The following ECPAS variants were observed in gnomAD, a reference collection of about 807,000 sequenced individuals.
ECPAS encodes the protein proteasome adapter and scaffold protein ECM29.
ECPAS carries 70 observed loss-of-function variants against 255.1 expected under a neutral mutation model. That is an observed-to-expected ratio of 0.27 (90% CI 0.23 to 0.33). ECPAS has a LOEUF of 0.33. Ranked by LOEUF, ECPAS falls within the 10% of genes least tolerant of loss-of-function variation. The pLI is 1.00. For synonymous variants in ECPAS, 784 were observed against 775.0 expected, an observed-to-expected ratio of 1.01 and a Z score of -0.19; for missense variants, 1,817 against 2,206.4, an observed-to-expected ratio of 0.82 and a Z score of 3.54.
At chr9:111,385,263 T>A in intron 33 of ECPAS, 74 bp downstream of exon 33, 1 of 780,298 alleles carries the variant, frequency 1.3e-6, no homozygotes, top group African/African-American at 1.8e-5. Context: ...AATTTTGACA[T>A]ACACAACATA....
At chr9:111,442,170 A>G in intron 5 of ECPAS, 136 bp downstream of exon 5, 3 of 554,860 alleles carry the variant, frequency 5.4e-6, no homozygotes, top group Non-Finnish European at 9.6e-6. Flanking sequence ...GGTACCACGG[A>G]AAATTCTATT....
At chr9:111,445,624 G>C (rs1787115636) in intron 3 of ECPAS, among the ~76,000 whole-genome samples, 1 of 152,108 alleles carries the variant, frequency 6.6e-6, no homozygotes, top group Admixed American at 6.6e-5. Flanking sequence ...GATTACAAAA[G>C]GATTCTGGCA....
intron 36 of ECPAS, among the ~76,000 whole-genome samples, chr9:111,378,095 G>A (rs575130447): frequency 6.6e-6 from 1 of 152,022 alleles, no homozygotes; most frequent in Non-Finnish European, 1.5e-5. Context: ...GCAGTGAGCC[G>A]AGATGGTGCC....
At chr9:111,450,514 AGGAAT>A (rs1477247090) in intron 3 of ECPAS, among the ~76,000 whole-genome samples, 1 of 152,224 alleles carries the variant, frequency 6.6e-6, no homozygotes, top group Non-Finnish European at 1.5e-5. Flanking sequence ...CTGTGGCCCA[AGGAAT>A]AAAACCTGAC....
chr9:111,473,867 T>C (rs1184645670), intron 1 of ECPAS, among the ~76,000 whole-genome samples: 1 of 152,122 alleles, frequency 6.6e-6, no homozygotes, highest in African/African-American at 2.4e-5. Context: ...CTCAGGAGGC[T>C]GAGGTCAGAA....
chr9:111,385,830 C>T (rs539064206), intron 32 of ECPAS, among the ~76,000 whole-genome samples: 1 of 152,324 alleles, frequency 6.6e-6, no homozygotes, highest in Admixed American at 6.5e-5. Flanking sequence ...AACAGGTAAT[C>T]TTCAACTTCT....
intron 34 of ECPAS, 34 bp from the exon 35 acceptor site, chr9:111,383,366 T>C: frequency 1.3e-6 from 2 of 1,582,604 alleles, no homozygotes; most frequent in South Asian, 2.3e-5. Context: ...TTAGTGAAAG[T>C]GACCGCGCAT....
At chr9:111,420,955 T>A (rs2098212629) in intron 15 of ECPAS, among the ~76,000 whole-genome samples, 1 of 152,342 alleles carries the variant, frequency 6.6e-6, no homozygotes, top group East Asian at 1.9e-4. Context: ...TTGGTAATAG[T>A]GTTACATGAT....
chr9:111,442,233 T>C (rs1175762626), intron 5 of ECPAS, 73 bp downstream of exon 5: 3 of 984,292 alleles, frequency 3.0e-6, no homozygotes, highest in African/African-American at 3.3e-5. Flanking sequence ...TAAAACCAAA[T>C]ATGTGAATTA....
Position 111,411,885 on chromosome 9 carries a change from C to G in ECPAS, c.2214+129G>C, listed in dbSNP as rs940025413. 11 of 807,812 alleles carry G rather than the reference C, an allele frequency of 1.4e-5. No homozygotes were observed. The African/African-American group carries it at 1.6e-4, about 12-fold the overall frequency. The allele number at this position is 807,812 out of a possible 1,614,324, so 50.0% of individuals were successfully genotyped here. On this transcript the variant is annotated intron_variant, in intron 21 of 49. Coordinates refer to ENST00000684092, the MANE Select transcript of ECPAS (RefSeq NM_001364929.1). ...CAATGTATCACCTATCTCATTTACT[C>G]TTTATGGTCATAAAAGCAAGGAATT...
chr9:111,453,520 G>A (rs1030480438), intron 2 of ECPAS, among the ~76,000 whole-genome samples: 2 of 151,968 alleles, frequency 1.3e-5, no homozygotes, highest in African/African-American at 4.8e-5. Context: ...CTTAATTCCT[G>A]CCCACCCTCC....
chr9:111,398,323 T>C (rs2098170590), intron 24 of ECPAS, among the ~76,000 whole-genome samples: 1 of 152,212 alleles, frequency 6.6e-6, no homozygotes, highest in Non-Finnish European at 1.5e-5. Flanking sequence ...TAGGGGTTCA[T>C]TTTATGTACC....
chr9:111,385,687 T>C (rs2098147197), intron 32 of ECPAS, among the ~76,000 whole-genome samples: 1 of 152,208 alleles, frequency 6.6e-6, no homozygotes, highest in South Asian at 2.1e-4. Flanking sequence ...TCGTTTTTTA[T>C]TCACCAGTGT....
In ECPAS at chr9:111,484,297, A is replaced by G. The variant is rs753140355; in HGVS notation, c.-264T>C. On this transcript the variant is annotated 5_prime_UTR_variant, in exon 1 of 50. Transcript: ENST00000684092. ...GGGGAAATCCTCGAGGCGGGGCCGG[A>G]GCGCCCTTTTCCGAGGTCTGCGGCT... The G allele has an allele frequency of 4.1e-5, 64 of 1,548,638 alleles. No individual in the cohort carries two copies. In the South Asian group the frequency reaches 7.3e-4, roughly 18 times the overall value.
chr9:111,373,847 G>T lies in ECPAS; in HGVS notation c.4177+125C>A, dbSNP rs905826183. 49 of 703,428 alleles carry T rather than the reference G, an allele frequency of 7.0e-5. 1 individual carries two copies. The highest frequency in any genetic ancestry group is 2.7e-4 in the Admixed American group (12 of 44,396). 43.6% of individuals were successfully genotyped at this position (703,428 alleles called of 1,614,324 possible). A position where few individuals can be genotyped will look rare whatever the true frequency, so the allele number is the denominator to read the frequency against. Reference sequence around the variant, plus strand: ...AAAGAAATGAAGGAGTCAGGGGACTGAGGGGAGAAAAGGCACACAGCATCA... The same window carrying T: ...AAAGAAATGAAGGAGTCAGGGGACTTAGGGGAGAAAAGGCACACAGCATCA... On this transcript the variant is annotated intron_variant, in intron 39 of 49. Coordinates refer to ENST00000684092, the MANE Select transcript of ECPAS (RefSeq NM_001364929.1).
At chr9:111,381,083 T>C (rs2098139997) in intron 35 of ECPAS, among the ~76,000 whole-genome samples, 1 of 152,242 alleles carries the variant, frequency 6.6e-6, no homozygotes, top group Non-Finnish European at 1.5e-5. Context: ...CATTCACAAC[T>C]TGGCTGTTTG....
chr9:111,403,561 A>G lies in ECPAS; in HGVS notation c.2652+5010T>C, dbSNP rs957048976. On this transcript the variant is annotated intron_variant, in intron 24 of 49. Transcript: ENST00000684092. ...AGGGCTCAATTCAGCAAGAGCATAT[A>G]AAGGTTATAAATATATATGCAAACA... 6.0e-5 allele frequency among the ~76,000 whole-genome samples: 9 copies of G among 149,864 alleles called. 1 individual carries two copies. The highest frequency in any genetic ancestry group is 2.3e-4 in the African/African-American group (9 of 39,536).
Position 111,361,572 on chromosome 9 carries a change from C to T in ECPAS, c.*458G>A, listed in dbSNP as rs2098113329. ...CAGACATTAAACACCTGGGTTCTGA[C>T]TTTGGCACAGGCCTCAGAAAGCCTC... On this transcript the variant is annotated 3_prime_UTR_variant, in exon 50 of 50. Coordinates refer to ENST00000684092, the MANE Select transcript of ECPAS (RefSeq NM_001364929.1). The T allele has an allele frequency of 6.6e-6, 1 of 152,564 alleles. No individual in the cohort carries two copies. Among genetic ancestry groups the T allele is most frequent in the African/African-American group, 2.4e-5 (1 of 41,460 alleles). The allele number at this position is 152,564 out of a possible 1,614,324, so 9.5% of individuals were successfully genotyped here.
intron 24 of ECPAS, among the ~76,000 whole-genome samples, chr9:111,398,335 G>A (rs2098170607): frequency 6.6e-6 from 1 of 152,124 alleles, no homozygotes; most frequent in Admixed American, 6.5e-5. Context: ...TTATGTACCT[G>A]TACCTGTTTT....
Sources: gnomAD v4.1 joint callset for allele counts (sites outside exome capture counted in the v4.1 genomes callset) on GRCh38, gnomAD v4.1.1 for gene constraint, MANE v1.5 for transcripts, NCBI Gene and HGNC (gene_info 2026-07-23, HGNC 2026-07-21) for gene names.